The following TENT4B variants were observed in gnomAD, a reference collection of about 807,000 sequenced individuals.
TENT4B encodes the protein PAP associated domain containing 5.
A neutral mutation model predicts 75.0 loss-of-function variants in TENT4B; 10 were observed. The ratio of observed to expected loss-of-function variants is 0.13; its 90% CI spans 0.08 to 0.23. The LOEUF (loss-of-function observed/expected upper bound fraction) is 0.23. TENT4B is among the 10% of genes least tolerant of loss of function. The pLI, the probability that TENT4B is intolerant of heterozygous loss-of-function variation, is 1.00. For synonymous variants in TENT4B, 350 were observed against 357.7 expected, an observed-to-expected ratio of 0.98 and a Z score of 0.24; for missense variants, 579 against 893.8, an observed-to-expected ratio of 0.65 and a Z score of 4.49.
intron 1 of TENT4B, among the ~76,000 whole-genome samples, chr16:50,176,095 T>TC (rs944649568): frequency 1.3e-5 from 2 of 150,838 alleles, no homozygotes; most frequent in African/African-American, 4.9e-5. Context: ...TATAATTCTT[T>TC]TTTTTTTTTT....
In TENT4B at chr16:50,234,164, G is replaced by A. The variant is rs2032378891; in HGVS notation, c.*4836G>A. On this transcript the variant is annotated 3_prime_UTR_variant, in exon 12 of 12. Coordinates refer to ENST00000561678, the MANE Select transcript of TENT4B (RefSeq NM_001365324.3). ...CAGTGAGAAACTATGAAGTAAACAA[G>A]TTGCTCAGGCCGGGCATGGTGGCTC... The A allele has an allele frequency of 5.1e-6, 5 of 985,328 alleles. No individual in the cohort carries two copies. The highest frequency in any genetic ancestry group is 3.6e-6 in the Non-Finnish European group (3 of 829,974). 61.0% of individuals were successfully genotyped at this position (985,328 alleles called of 1,614,324 possible). A position where few individuals can be genotyped will look rare whatever the true frequency, so the allele number is the denominator to read the frequency against.
At chr16:50,180,812 A>T (rs1008936274) in intron 1 of TENT4B, among the ~76,000 whole-genome samples, 1 of 152,134 alleles carries the variant, frequency 6.6e-6, no homozygotes, top group Non-Finnish European at 1.5e-5. Flanking sequence ...AAAATCCCTC[A>T]AGAAGGGGCA....
Position 50,232,314 on chromosome 16 carries a change from C to T in TENT4B, c.*2986C>T, listed in dbSNP as rs1172384987. ...ATGTTTTTTACAAGTAATTGCCCTC[C>T]AGTCTTCAACAGTTGATTCTGTTTT... is the stretch of plus-strand genomic sequence containing the variant. On this transcript the variant is annotated 3_prime_UTR_variant, in exon 12 of 12. Coordinates refer to ENST00000561678, the MANE Select transcript of TENT4B (RefSeq NM_001365324.3). 1 of 985,258 alleles carries T rather than the reference C, an allele frequency of 1.0e-6. No homozygotes were observed. The highest frequency in any genetic ancestry group is 1.7e-5 in the African/African-American group (1 of 57,210). 61.0% of individuals were successfully genotyped at this position (985,258 alleles called of 1,614,324 possible). A position where few individuals can be genotyped will look rare whatever the true frequency, so the allele number is the denominator to read the frequency against.
At chr16:50,158,439 C>T (rs1309681177) in intron 1 of TENT4B, among the ~76,000 whole-genome samples, 1 of 152,184 alleles carries the variant, frequency 6.6e-6, no homozygotes, top group Non-Finnish European at 1.5e-5. Context: ...CTTTGCTCCC[C>T]TCCAGAACTG....
intron 1 of TENT4B, among the ~76,000 whole-genome samples, chr16:50,193,938 G>A (rs985631282): frequency 6.6e-6 from 1 of 152,220 alleles, no homozygotes; most frequent in Non-Finnish European, 1.5e-5. Context: ...GCACCCCACA[G>A]AGCTGTGGAG....
intron 1 of TENT4B, among the ~76,000 whole-genome samples, chr16:50,195,817 A>G (rs2030196286): frequency 6.6e-6 from 1 of 152,244 alleles, no homozygotes; most frequent in African/African-American, 2.4e-5. Context: ...GCTATATAGT[A>G]GATCTCTTAT....
chr16:50,159,233 T>C (rs1331749954), intron 1 of TENT4B, among the ~76,000 whole-genome samples: 2 of 144,152 alleles, frequency 1.4e-5, no homozygotes, highest in Non-Finnish European at 3.0e-5. Context: ...TCCCTCCCTC[T>C]CTCTCTCTTT....
chr16:50,222,195 G>C, intron 5 of TENT4B, 111 bp from the exon 6 acceptor site: 1 of 980,508 alleles, frequency 1.0e-6, no homozygotes, highest in Non-Finnish European at 1.5e-6. Context: ...AATTAAGTAT[G>C]TTGTATATCT....
chr16:50,164,800 T>G (rs1216435107), intron 1 of TENT4B, among the ~76,000 whole-genome samples: 1 of 151,882 alleles, frequency 6.6e-6, no homozygotes, highest in Non-Finnish European at 1.5e-5. Flanking sequence ...GCCTGTAACC[T>G]TGGCACTTTG....
intron 1 of TENT4B, among the ~76,000 whole-genome samples, chr16:50,207,687 A>G (rs938926483): frequency 6.6e-6 from 1 of 152,188 alleles, no homozygotes; most frequent in East Asian, 1.9e-4. Context: ...AATCATATTA[A>G]ATTTTGATCC....
At chr16:50,205,066 A>T (rs1567502952) in intron 1 of TENT4B, among the ~76,000 whole-genome samples, 1 of 152,090 alleles carries the variant, frequency 6.6e-6, no homozygotes, top group East Asian at 1.9e-4. Flanking sequence ...TCTTTAATGA[A>T]TTTTTTTATG....
chr16:50,161,975 G>A (rs1206161608), intron 1 of TENT4B, among the ~76,000 whole-genome samples: 10 of 152,026 alleles, frequency 6.6e-5, no homozygotes, highest in Admixed American at 2.6e-4. Context: ...ATAGCCGCAC[G>A]CACCCTTCCA....
chr16:50,187,774 C>G (rs1342180527), intron 1 of TENT4B, among the ~76,000 whole-genome samples: 1 of 151,642 alleles, frequency 6.6e-6, no homozygotes, highest in East Asian at 1.9e-4. Flanking sequence ...CTTGTAATTG[C>G]AGCACTTTGA....
chr16:50,158,526 CTTAA>C (rs1438227945), intron 1 of TENT4B, among the ~76,000 whole-genome samples: 1 of 152,122 alleles, frequency 6.6e-6, no homozygotes, highest in Non-Finnish European at 1.5e-5. Context: ...TTTTGAAAGA[CTTAA>C]TTGTTTATCA....
At position 50,216,188 on chromosome 16, in the gene TENT4B, A is replaced by G; in HGVS notation, c.923A>G (p.Lys308Arg). ...GAGGATTCGGTGAAAGTTTTAGACA[A>G]AGCAACTGTAAGTTCTGCAGCATTT... ...ADEDSVKVLD[K>R]ATVPIIKLTD... is the part of the protein sequence containing the mutation. Residue 308 changes from lysine (K) to arginine (R), a missense_variant, in exon 4 of 12, where the codon AAA becomes AGA. By Grantham distance (26) the Lys-to-Arg change is conservative (BLOSUM62 2). Transcript: ENST00000561678. 2 of 1,613,972 alleles carry G rather than the reference A, an allele frequency of 1.2e-6. No individual in the cohort carries two copies. Among genetic ancestry groups the G allele is most frequent in the East Asian group, 2.2e-5 (1 of 44,882 alleles).
chr16:50,174,520 T>C (rs1312882037), intron 1 of TENT4B, among the ~76,000 whole-genome samples: 1 of 152,220 alleles, frequency 6.6e-6, no homozygotes, highest in Non-Finnish European at 1.5e-5. Context: ...ATGCATACAA[T>C]GTGGATCAAA....
intron 5 of TENT4B, among the ~76,000 whole-genome samples, chr16:50,220,760 C>G (rs1671440889): frequency 6.6e-6 from 1 of 152,012 alleles, no homozygotes; most frequent in African/African-American, 2.4e-5. Flanking sequence ...AACTCCTGAC[C>G]TCAAGAGATC....
intron 1 of TENT4B, among the ~76,000 whole-genome samples, chr16:50,162,467 G>A (rs890457144): frequency 1.3e-5 from 2 of 152,098 alleles, no homozygotes; most frequent in African/African-American, 4.8e-5. Flanking sequence ...ATCCTTGCTA[G>A]CATTTAGTGT....
At chr16:50,166,170 C>T (rs2038096250) in intron 1 of TENT4B, among the ~76,000 whole-genome samples, 1 of 151,576 alleles carries the variant, frequency 6.6e-6, no homozygotes, top group Non-Finnish European at 1.5e-5. Context: ...GCAACCTCCA[C>T]CTCCCAGGTT....
Sources: allele counts gnomAD v4.1 joint callset (sites outside exome capture counted in the v4.1 genomes callset), GRCh38; gene constraint gnomAD v4.1.1; transcripts MANE v1.5; gene names NCBI Gene and HGNC (gene_info 2026-07-23, HGNC 2026-07-21).